Variants in KCNK13 observed in about 807,000 individuals in gnomAD.
KCNK13 encodes potassium channel subfamily K member 13.
Under a neutral mutation model 23.4 loss-of-function variants are expected in KCNK13, and 12 were observed. The ratio of observed to expected loss-of-function variants is 0.51; its 90% confidence interval spans 0.33 to 0.83. The LOEUF is 0.83. Ranked by LOEUF, KCNK13 falls within the 40% of genes least tolerant of loss-of-function variation. The probability of loss-of-function intolerance (pLI) is 0.02; values close to 1 mark genes in which losing one functional copy is unlikely to be tolerated. For synonymous variants in KCNK13, 231 were observed against 229.5 expected (o/e 1.01, Z -0.06); for missense variants, 463 against 556.3 (o/e 0.83, Z 1.69).
At chr14:90,125,599 G>GCACACA (rs35452662) in intron 1 of KCNK13, among the ~76,000 whole-genome samples, 1 of 64,586 alleles carries the variant, frequency 1.5e-5, no homozygotes, top group Non-Finnish European at 3.2e-5. Flanking sequence ...ACACACACAC[G>GCACACA]CACACACACA....
At chr14:90,140,572 C>T (rs1596795502) in intron 1 of KCNK13, among the ~76,000 whole-genome samples, 3 of 152,112 alleles carry the variant, frequency 2.0e-5, no homozygotes, top group Non-Finnish European at 4.4e-5. Context: ...TGGACAAGCA[C>T]GGAAATAAAT....
At chr14:90,110,214 G>T (rs1050645615) in intron 1 of KCNK13, among the ~76,000 whole-genome samples, 1 of 152,034 alleles carries the variant, frequency 6.6e-6, no homozygotes, top group Non-Finnish European at 1.5e-5. Flanking sequence ...CAGCAAGACC[G>T]CATAAAAATG....
At chr14:90,094,003 A>C (rs150198008) in intron 1 of KCNK13, among the ~76,000 whole-genome samples, 1 of 152,162 alleles carries the variant, frequency 6.6e-6, no homozygotes, top group Non-Finnish European at 1.5e-5. Context: ...TCTTTCTCTC[A>C]TGACAGCAGA....
chr14:90,067,991 G>T (rs549136604), intron 1 of KCNK13, among the ~76,000 whole-genome samples: 1 of 152,124 alleles, frequency 6.6e-6, no homozygotes, highest in East Asian at 1.9e-4. Context: ...GTTCACTGTG[G>T]GTGCTGGTGA....
chr14:90,170,744 G>A (rs1890356114), intron 1 of KCNK13, among the ~76,000 whole-genome samples: 1 of 152,112 alleles, frequency 6.6e-6, no homozygotes, highest in Admixed American at 6.5e-5. Flanking sequence ...TAAACAAATG[G>A]GGCAGAGGAA....
intron 1 of KCNK13, among the ~76,000 whole-genome samples, chr14:90,176,826 C>G (rs1309553769): frequency 6.6e-6 from 1 of 151,926 alleles, no homozygotes; most frequent in East Asian, 1.9e-4. Flanking sequence ...TCAAGACCAT[C>G]CTGGCCAACG....
At chr14:90,129,426 C>T (rs920857442) in intron 1 of KCNK13, among the ~76,000 whole-genome samples, 3 of 152,036 alleles carry the variant, frequency 2.0e-5, no homozygotes, top group Non-Finnish European at 4.4e-5. Context: ...ATGGCTGCGC[C>T]CCATCCCCAG....
intron 1 of KCNK13, among the ~76,000 whole-genome samples, chr14:90,142,492 T>C (rs4904634): frequency 1.3e-5 from 2 of 151,494 alleles, no homozygotes; most frequent in Non-Finnish European, 2.9e-5. Flanking sequence ...CTAATTTTTT[T>C]TATTTTTAGT....
At chr14:90,123,788 C>T (rs1219417336) in intron 1 of KCNK13, among the ~76,000 whole-genome samples, 27 of 152,164 alleles carry the variant, frequency 1.8e-4, no homozygotes, top group Non-Finnish European at 1.5e-5. Flanking sequence ...TGCACCACCA[C>T]ACCTGGCTAA....
At chr14:90,177,223 G>A (rs1271347948) in intron 1 of KCNK13, 1 of 152,098 alleles carries the variant, frequency 6.6e-6, no homozygotes, top group Non-Finnish European at 1.5e-5. Context: ...AATGAAAGAG[G>A]CTGGTCTGAA....
chr14:90,129,832 A>G (rs1463046194), intron 1 of KCNK13, among the ~76,000 whole-genome samples: 3 of 152,048 alleles, frequency 2.0e-5, no homozygotes, highest in Admixed American at 6.6e-5. Context: ...TGGGCTTAAC[A>G]AGCAGAAGAA....
chr14:90,148,010 A>G (rs1890093198), intron 1 of KCNK13, among the ~76,000 whole-genome samples: 1 of 152,096 alleles, frequency 6.6e-6, no homozygotes, highest in Admixed American at 6.5e-5. Context: ...AAATACAAAA[A>G]GTATTAGCCG....
chr14:90,138,906 G>T (rs1458155519), intron 1 of KCNK13, among the ~76,000 whole-genome samples: 1 of 152,184 alleles, frequency 6.6e-6, no homozygotes, highest in Non-Finnish European at 1.5e-5. Flanking sequence ...AGAAGAAATG[G>T]CCAGGGGAAG....
chr14:90,119,163 C>CA lies in KCNK13; in HGVS notation c.334+56632dup, dbSNP rs1264544493. Among the ~76,000 whole-genome samples the CA allele has an allele frequency of 2.0e-5, 3 of 151,522 alleles. No homozygotes were observed. In the South Asian group the frequency reaches 6.3e-4, roughly 32 times the overall value. ...AATCAGTAATAAATAGCCTACCAAC[C>CA]AAAAAAAAGCACAGGACCAGATGGA... On this transcript the variant is annotated intron_variant, in intron 1 of 1. Coordinates refer to ENST00000282146, the MANE Select transcript of KCNK13 (RefSeq NM_022054.4).
At chr14:90,109,089 A>G (rs886724828) in intron 1 of KCNK13, among the ~76,000 whole-genome samples, 1 of 151,760 alleles carries the variant, frequency 6.6e-6, no homozygotes. Flanking sequence ...AGGCAGGAGC[A>G]TGGCGTGAAC....
chr14:90,150,119 A>G (rs1890118771), intron 1 of KCNK13, among the ~76,000 whole-genome samples: 1 of 152,192 alleles, frequency 6.6e-6, no homozygotes, highest in African/African-American at 2.4e-5. Context: ...TGGAATTGTA[A>G]TGTTTAAACT....
chr14:90,105,700 A>G (rs1201954527), intron 1 of KCNK13, among the ~76,000 whole-genome samples: 1 of 151,954 alleles, frequency 6.6e-6, no homozygotes, highest in Non-Finnish European at 1.5e-5. Context: ...CTTGAATCCA[A>G]CTCTAAACAG....
chr14:90,183,534 A>T (rs1328181642), intron 1 of KCNK13, among the ~76,000 whole-genome samples: 3 of 152,194 alleles, frequency 2.0e-5, no homozygotes, highest in Admixed American at 6.5e-5. Flanking sequence ...GAGTTCCCAT[A>T]GAATCCTGTA....
intron 1 of KCNK13, among the ~76,000 whole-genome samples, chr14:90,097,636 T>TC (rs1219715452): frequency 1.3e-5 from 2 of 152,110 alleles, no homozygotes; most frequent in African/African-American, 4.8e-5. Context: ...GTATTCCCCA[T>TC]CCCTGATGGG....
Sources: gnomAD v4.1 joint callset for allele counts (sites outside exome capture counted in the v4.1 genomes callset) on GRCh38, gnomAD v4.1.1 for gene constraint, MANE v1.5 for transcripts, NCBI Gene and HGNC (gene_info 2026-07-23, HGNC 2026-07-21) for gene names.